The following LZTFL1 variants were observed in gnomAD, a reference collection of about 807,000 sequenced individuals.
LZTFL1 encodes leucine zipper transcription factor-like protein 1.
LZTFL1 carries 25 observed loss-of-function variants against 45.9 expected under a neutral mutation model. That is an observed-to-expected ratio of 0.54 (90% CI 0.40 to 0.76). The LOEUF (loss-of-function observed/expected upper bound fraction) is 0.76, where lower values mean the gene tolerates loss of function less well. LZTFL1 is among the 30% of genes least tolerant of loss of function. The pLI is 0.00. For missense variants in LZTFL1, 277 were observed against 331.1 expected, an observed-to-expected ratio of 0.84 and a Z score of 1.27; for synonymous variants, 93 against 117.4, an observed-to-expected ratio of 0.79 and a Z score of 1.35.
intron 2 of LZTFL1, among the ~76,000 whole-genome samples, chr3:45,906,018 C>A (rs1334864188): frequency 6.6e-6 from 1 of 152,198 alleles, no homozygotes; most frequent in Non-Finnish European, 1.5e-5. Flanking sequence ...CCTCCAAAGG[C>A]ATTGATTCCT....
At chr3:45,883,014 CA>C (rs1306177874) in intron 2 of LZTFL1, among the ~76,000 whole-genome samples, 1 of 152,062 alleles carries the variant, frequency 6.6e-6, no homozygotes, top group Non-Finnish European at 1.5e-5. Flanking sequence ...GATACTTCTA[CA>C]AGGGGGACCT....
At chr3:45,868,176 A>AGT (rs1553614933) in intron 2 of LZTFL1, among the ~76,000 whole-genome samples, 1 of 98,564 alleles carries the variant, frequency 1.0e-5, no homozygotes, top group Non-Finnish European at 2.2e-5. Flanking sequence ...GTATAATAAA[A>AGT]ATATATATAT....
chr3:45,845,595 AAG>A (rs1701205974), upstream of LZTFL1, among the ~76,000 whole-genome samples: 1 of 152,204 alleles, frequency 6.6e-6, no homozygotes, highest in Non-Finnish European at 1.5e-5. Flanking sequence ...AAACTACAAA[AAG>A]AGATATACTG....
chr3:45,880,809 A>G (rs1701844045), intron 2 of LZTFL1, among the ~76,000 whole-genome samples: 1 of 152,074 alleles, frequency 6.6e-6, no homozygotes. Context: ...GGCCTTTCCC[A>G]GACCATCCAG....
intron 3 of LZTFL1, chr3:45,855,223 T>C: frequency 1.8e-6 from 1 of 546,126 alleles, no homozygotes; most frequent in Non-Finnish European, 3.3e-6. Flanking sequence ...CACAATCAAG[T>C]CGGCTTCATC....
Position 45,842,072 on chromosome 3 carries a change from T to C in LZTFL1, c.-81A>G, listed in dbSNP as rs1321614064. Reference sequence around the variant, plus strand: ...CCAAGCCTGGGATCGCCGAGGGTAGTTGGACCACAGAAAATGGGGAAGGAG... The same window carrying C: ...CCAAGCCTGGGATCGCCGAGGGTAGCTGGACCACAGAAAATGGGGAAGGAG... On this transcript the variant is annotated 5_prime_UTR_variant, in exon 1 of 10. Transcript: ENST00000296135. The C allele has an allele frequency of 6.3e-6, 10 of 1,590,444 alleles. No individual in the cohort carries two copies. Among genetic ancestry groups the C allele is most frequent in the Middle Eastern group, 1.7e-4 (1 of 6,060 alleles).
In LZTFL1 at chr3:45,901,616, G is replaced by A. The variant is rs1702560582; in HGVS notation, c.-215+11504C>T. On this transcript the variant is annotated intron_variant, in intron 2 of 4. Coordinates refer to the LZTFL1 transcript ENST00000472635. The surrounding 1 kb of genome is among the most constrained non-coding windows in gnomAD (Gnocchi z 4.3). ...TTCCCTACAACTGCATTTTGTTGGT[G>A]CAGACCATTGACGCCTATGCCATGT... is the stretch of plus-strand genomic sequence containing the variant. 6.2e-7 allele frequency: 1 copy of A among 1,614,090 alleles called. No individual in the cohort carries two copies. The highest frequency in any genetic ancestry group is 8.5e-7 in the Non-Finnish European group (1 of 1,180,032).
At chr3:45,906,459 G>A (rs1242800149) in intron 2 of LZTFL1, among the ~76,000 whole-genome samples, 1 of 152,172 alleles carries the variant, frequency 6.6e-6, no homozygotes, top group Non-Finnish European at 1.5e-5. Flanking sequence ...CCTTGCTTTG[G>A]AGGGTTGACC....
intron 2 of LZTFL1, chr3:45,902,088 G>A: frequency 1.8e-6 from 1 of 568,328 alleles, no homozygotes. Flanking sequence ...TAGTGCAGGA[G>A]GCTGTTGATT....
Position 45,824,789 on chromosome 3 carries a change from A to T in LZTFL1, c.*1525T>A, listed in dbSNP as rs1700621868. 2.5e-6 allele frequency: 1 copy of T among 398,188 alleles called. No individual in the cohort carries two copies. Among genetic ancestry groups the T allele is most frequent in the African/African-American group, 2.1e-5 (1 of 48,600 alleles). 24.7% of individuals were successfully genotyped at this position (398,188 alleles called of 1,614,324 possible). On this transcript the variant is annotated 3_prime_UTR_variant, in exon 10 of 10. Coordinates refer to ENST00000296135, the MANE Select transcript of LZTFL1 (RefSeq NM_020347.4). The stretch of plus-strand genomic sequence containing the variant: ...GAATGGATTTTTGGAGAGAGTGTCA[A>T]TTTAGGGCTAAAGAAATACAGGGTG...
At chr3:45,870,379 T>A (rs1356119260) in intron 2 of LZTFL1, among the ~76,000 whole-genome samples, 1 of 152,222 alleles carries the variant, frequency 6.6e-6, no homozygotes, top group Non-Finnish European at 1.5e-5. Flanking sequence ...CCTGCTTGCA[T>A]GTGGTTCAGA....
chr3:45,889,953 T>G (rs1702097139), intron 2 of LZTFL1, among the ~76,000 whole-genome samples: 1 of 151,584 alleles, frequency 6.6e-6, no homozygotes, highest in South Asian at 2.1e-4. Context: ...TCCAAGCAGA[T>G]GCGCTGCAGA....
chr3:45,848,493 A>G (rs981913412), intron 4 of LZTFL1, among the ~76,000 whole-genome samples: 3 of 152,230 alleles, frequency 2.0e-5, no homozygotes, highest in African/African-American at 4.8e-5. Context: ...GCTGGAAATC[A>G]CTTTTTTACT....
At chr3:45,869,566 T>G (rs767001962) in intron 2 of LZTFL1, among the ~76,000 whole-genome samples, 27 of 152,178 alleles carry the variant, frequency 1.8e-4, no homozygotes, top group Non-Finnish European at 3.1e-4. Flanking sequence ...CTGGTCCATC[T>G]CTAACTTTTA....
At position 45,855,012 on chromosome 3, in the gene LZTFL1, G is replaced by T. The variant is rs1701367486; in HGVS notation, c.-75C>A. On this transcript the variant is annotated 5_prime_UTR_variant, in exon 4 of 5. Coordinates refer to the LZTFL1 transcript ENST00000472635. Reference sequence around the variant, plus strand: ...GAGCTTTCTCCTGGAACTTAGCCCAGCTTCTTGGAAAAGTCACCAAAGGGT... The same window carrying T: ...GAGCTTTCTCCTGGAACTTAGCCCATCTTCTTGGAAAAGTCACCAAAGGGT... 1.3e-6 allele frequency: 2 copies of T among 1,535,022 alleles called. No homozygotes were observed. Among genetic ancestry groups the T allele is most frequent in the African/African-American group, 2.7e-5 (2 of 72,994 alleles).
intron 2 of LZTFL1, among the ~76,000 whole-genome samples, chr3:45,871,262 C>T (rs1349215453): frequency 1.3e-5 from 2 of 152,336 alleles, no homozygotes; most frequent in East Asian, 3.9e-4. Flanking sequence ...AACTTTGTAT[C>T]TTAGCAGATA....
intron 4 of LZTFL1, among the ~76,000 whole-genome samples, chr3:45,849,499 C>T (rs1701274246): frequency 6.6e-6 from 1 of 152,122 alleles, no homozygotes; most frequent in South Asian, 2.1e-4. Flanking sequence ...CACACTAAAA[C>T]CCAGGGTGAT....
In LZTFL1 at chr3:45,878,348, T is replaced by A. The variant is rs372136782; in HGVS notation, c.-214-19332A>T. Among the ~76,000 whole-genome samples the A allele has an allele frequency of 6.0e-4, 92 of 152,306 alleles. 1 individual carries two copies. The highest frequency in any genetic ancestry group is 2.0e-3 in the African/African-American group (83 of 41,558). On this transcript the variant is annotated intron_variant, in intron 2 of 4. Coordinates refer to the LZTFL1 transcript ENST00000472635. ...TGGCCATTTAGAAACTGAGGCTATT[T>A]TCATGTAGCTATTTTGATGCTGTGG...
chr3:45,873,771 C>T (rs758681750), intron 2 of LZTFL1, among the ~76,000 whole-genome samples: 4 of 152,206 alleles, frequency 2.6e-5, no homozygotes, highest in Non-Finnish European at 5.9e-5. Context: ...CTCTTCCTGC[C>T]TCTGAGCATT....
Sources: gnomAD v4.1 joint callset for allele counts (sites outside exome capture counted in the v4.1 genomes callset) on GRCh38, gnomAD v4.1.1 for gene constraint, Gnocchi (gnomAD v3.1) non-coding constraint, MANE v1.5 for transcripts, NCBI Gene and HGNC (gene_info 2026-07-23, HGNC 2026-07-21) for gene names.